Variants in PPFIBP2 observed in about 807,000 individuals in gnomAD.
PPFIBP2 encodes PPFIB scaffold protein 2.
PPFIBP2 carries 118 observed loss-of-function variants against 118.3 expected under a neutral mutation model. That is an observed-to-expected ratio of 1.00 (90% CI 0.86 to 1.16). PPFIBP2 has a LOEUF of 1.16. Among genes scored for constraint, PPFIBP2 ranks in the 50% most tolerant of loss-of-function variants. The pLI is 0.00. For missense variants in PPFIBP2, 1,195 were observed against 1,073.1 expected (o/e 1.11, Z -1.59); for synonymous variants, 414 against 397.4 (o/e 1.04, Z -0.50).
intron 16 of PPFIBP2, chr11:7,642,040 G>C: frequency 2.3e-6 from 1 of 440,146 alleles, no homozygotes; most frequent in Non-Finnish European, 4.0e-6. Context: ...CAGAAACTGG[G>C]GCCTCCTACA....
chr11:7,554,238 C>A (rs776734248), intron 2 of PPFIBP2, among the ~76,000 whole-genome samples: 1 of 152,122 alleles, frequency 6.6e-6, no homozygotes, highest in Non-Finnish European at 1.5e-5. Flanking sequence ...CGTATTTCAA[C>A]GGAAAAAACC....
intron 2 of PPFIBP2, among the ~76,000 whole-genome samples, chr11:7,564,097 C>T (rs1329936589): frequency 6.6e-6 from 1 of 151,526 alleles, no homozygotes; most frequent in Non-Finnish European, 1.5e-5. Flanking sequence ...ACCTGGGAGG[C>T]GGAGCTTGCA....
chr11:7,548,862 G>T lies in PPFIBP2; in HGVS notation c.-36-578G>T, dbSNP rs182170768. On this transcript the variant is annotated intron_variant, in intron 1 of 23. Coordinates refer to ENST00000299492, the MANE Select transcript of PPFIBP2 (RefSeq NM_003621.5). ...CTGGGTGCTGTCTCTACATCCTTGT[G>T]GCCTGTAGACTTCCTAGGCAGTGCA... 1.1e-4 allele frequency among the ~76,000 whole-genome samples: 16 copies of T among 152,244 alleles called. No individual in the cohort carries two copies. In the East Asian group the frequency reaches 3.1e-3, roughly 29 times the overall value.
chr11:7,651,580 G>C, intron 22 of PPFIBP2, 76 bp from the exon 23 acceptor site: 1 of 1,392,410 alleles, frequency 7.2e-7, no homozygotes, highest in Admixed American at 1.9e-5. Context: ...GCCCCAACAG[G>C]CCAGTCTCTC....
In PPFIBP2 at chr11:7,653,381, G is replaced by C; in HGVS notation, c.*163G>C. 6.7e-7 allele frequency: 1 copy of C among 1,482,962 alleles called. No homozygotes were observed. The highest frequency in any genetic ancestry group is 8.9e-7 in the Non-Finnish European group (1 of 1,120,674). 91.9% of individuals were successfully genotyped at this position (1,482,962 alleles called of 1,614,324 possible). On this transcript the variant is annotated 3_prime_UTR_variant, in exon 24 of 24. Coordinates refer to ENST00000299492, the MANE Select transcript of PPFIBP2 (RefSeq NM_003621.5). ...TCTCTTTGAACCCTGAGGGTGGCCAGGATCTGGAGCTGCATCTCTAAGGGG... is the reference window on the plus strand; with the variant it reads ...TCTCTTTGAACCCTGAGGGTGGCCACGATCTGGAGCTGCATCTCTAAGGGG...
At chr11:7,519,329 G>A (rs1034344814) in intron 1 of PPFIBP2, among the ~76,000 whole-genome samples, 1 of 152,088 alleles carries the variant, frequency 6.6e-6, no homozygotes, top group African/African-American at 2.4e-5. Context: ...TGGAGGAGAA[G>A]GATTTGAACA....
chr11:7,611,583 T>C (rs906193201), intron 6 of PPFIBP2, among the ~76,000 whole-genome samples: 2 of 152,274 alleles, frequency 1.3e-5, no homozygotes, highest in Non-Finnish European at 2.9e-5. Flanking sequence ...GAGTCCAGGC[T>C]GATGAATCAG....
downstream of PPFIBP2, among the ~76,000 whole-genome samples, chr11:7,660,851 C>A (rs1854875471): frequency 6.6e-6 from 1 of 151,802 alleles, no homozygotes; most frequent in Admixed American, 6.6e-5. Flanking sequence ...TTCAGAGATT[C>A]AACTTCTTCC....
At chr11:7,610,156 G>C in intron 5 of PPFIBP2, 135 bp from the exon 6 acceptor site, 1 of 1,158,170 alleles carries the variant, frequency 8.6e-7, no homozygotes, top group East Asian at 2.4e-5. Context: ...ATAGGCCTGT[G>C]ACTCTCATGT....
At position 7,536,486 on chromosome 11, in the gene PPFIBP2, G is replaced by T. The variant is rs1367277029; in HGVS notation, c.-36-12954G>T. ...AGTTTGGAGGGGGAATAATTGAGAG[G>T]TTGGATCTCAGTGATGATCGAAGAT... is the stretch of plus-strand genomic sequence containing the variant. On this transcript the variant is annotated intron_variant, in intron 1 of 23. Transcript: ENST00000299492. 2.0e-5 allele frequency among the ~76,000 whole-genome samples: 3 copies of T among 152,080 alleles called. 1 individual carries two copies. Among genetic ancestry groups the T allele is most frequent in the Non-Finnish European group, 4.4e-5 (3 of 68,018 alleles).
chr11:7,549,731 T>C (rs1852751460), intron 2 of PPFIBP2, among the ~76,000 whole-genome samples, 192 bp downstream of exon 2: 2 of 152,104 alleles, frequency 1.3e-5, no homozygotes. Flanking sequence ...CTCTGATGTC[T>C]GGTGTGATCG....
chr11:7,594,279 T>G (rs200103000), intron 4 of PPFIBP2, among the ~76,000 whole-genome samples: 5 of 139,504 alleles, frequency 3.6e-5, no homozygotes, highest in Non-Finnish European at 6.4e-5. Context: ...TGTTGTTGGT[T>G]TTTTTTCTTT....
intron 2 of PPFIBP2, among the ~76,000 whole-genome samples, chr11:7,553,539 A>G (rs927925182): frequency 6.6e-6 from 1 of 152,218 alleles, no homozygotes; most frequent in Admixed American, 6.5e-5. Flanking sequence ...AACATGGACT[A>G]CAGAGTTGGA....
At chr11:7,590,972 C>T (rs1405059548) in intron 3 of PPFIBP2, among the ~76,000 whole-genome samples, 1 of 152,182 alleles carries the variant, frequency 6.6e-6, no homozygotes, top group Non-Finnish European at 1.5e-5. Context: ...ATCTGCGGAT[C>T]CTGTTAACTG....
chr11:7,653,677 A>G lies in PPFIBP2; in HGVS notation c.*459A>G. 7.8e-7 allele frequency: 1 copy of G among 1,289,516 alleles called. No individual in the cohort carries two copies. The highest frequency in any genetic ancestry group is 1.0e-6 in the Non-Finnish European group (1 of 989,402). The allele number at this position is 1,289,516 out of a possible 1,614,324, so 79.9% of individuals were successfully genotyped here. On this transcript the variant is annotated 3_prime_UTR_variant, in exon 24 of 24. Coordinates refer to ENST00000299492, the MANE Select transcript of PPFIBP2 (RefSeq NM_003621.5). The stretch of plus-strand genomic sequence containing the variant: ...GATGAGCAACAGGGACTTCTGCCAC[A>G]GTGACAATGGAATTGTGTTGTGCCT...
At chr11:7,617,681 G>T (rs997483739) in intron 6 of PPFIBP2, among the ~76,000 whole-genome samples, 1 of 149,622 alleles carries the variant, frequency 6.7e-6, no homozygotes, top group Non-Finnish European at 1.5e-5. Context: ...TGTTTCACAT[G>T]ATTTTTTTTT....
At position 7,562,929 on chromosome 11, in the gene PPFIBP2, T is replaced by TTA. The variant is rs60848890; in HGVS notation, c.65-2577_65-2576dup. ...TTTCAAAGAAATAGAAATTAAAGTT[T>TTA]TATATATATATATATATATATATAT... On this transcript the variant is annotated intron_variant, in intron 2 of 23. Coordinates refer to ENST00000299492, the MANE Select transcript of PPFIBP2 (RefSeq NM_003621.5). 9.4e-3 allele frequency among the ~76,000 whole-genome samples: 811 copies of TTA among 86,022 alleles called. 22 individuals carry two copies. The highest frequency in any genetic ancestry group is 0.015 in the Non-Finnish European group (589 of 40,166). The allele number at this position is 86,022 out of a possible 152,430, so 56.4% of individuals were successfully genotyped here.
At chr11:7,571,637 T>C (rs1855659593) in intron 3 of PPFIBP2, 1 of 152,180 alleles carries the variant, frequency 6.6e-6, no homozygotes, top group South Asian at 2.1e-4. Context: ...TTGGTGCTTA[T>C]TTTTCAAGAA....
At chr11:7,574,070 G>C (rs1391262796) in intron 3 of PPFIBP2, 2 of 152,174 alleles carry the variant, frequency 1.3e-5, no homozygotes, top group Non-Finnish European at 2.9e-5. Context: ...GACAGGGGTG[G>C]AGCAAGCTAC....
Sources: gnomAD v4.1 joint callset for allele counts (sites outside exome capture counted in the v4.1 genomes callset) on GRCh38, gnomAD v4.1.1 for gene constraint, MANE v1.5 for transcripts, NCBI Gene and HGNC (gene_info 2026-07-23, HGNC 2026-07-21) for gene names.